The following ZNF385D variants were observed in gnomAD, a reference collection of about 807,000 sequenced individuals.
The protein encoded by ZNF385D is zinc finger protein 385D, also known as zinc finger protein 659.
In ZNF385D, 15 loss-of-function variants were observed where a neutral mutation model predicts 35.8. That is an observed-to-expected ratio of 0.42 (90% CI 0.28 to 0.64). The LOEUF is 0.64. Among genes scored for constraint, ZNF385D ranks in the 30% least tolerant of loss-of-function variants. ZNF385D has a pLI of 0.23. For synonymous variants in ZNF385D, 212 were observed against 186.8 expected (o/e 1.13, Z -1.10); for missense variants, 474 against 494.6 (o/e 0.96, Z 0.39).
intron 2 of ZNF385D, among the ~76,000 whole-genome samples, chr3:21,589,526 T>C (rs1434925728): frequency 1.3e-5 from 2 of 152,136 alleles, no homozygotes; most frequent in African/African-American, 4.8e-5. Context: ...AAATATTTTT[T>C]ACATAAGACA....
chr3:21,948,816 T>C (rs1701919654), intron 3 of ZNF385D, among the ~76,000 whole-genome samples: 1 of 152,092 alleles, frequency 6.6e-6, no homozygotes, highest in South Asian at 2.1e-4. Flanking sequence ...AATTGAAAAA[T>C]AATTTTTGCT....
At chr3:22,279,771 T>C (rs1294497731) in intron 2 of ZNF385D, among the ~76,000 whole-genome samples, 3 of 151,850 alleles carry the variant, frequency 2.0e-5, no homozygotes, top group African/African-American at 4.8e-5. Flanking sequence ...CTAATTTGTA[T>C]AATGACTTCT....
intron 3 of ZNF385D, among the ~76,000 whole-genome samples, chr3:21,809,906 C>T (rs931947460): frequency 2.0e-5 from 3 of 151,944 alleles, no homozygotes; most frequent in Admixed American, 1.3e-4. Flanking sequence ...ATAAAAATAA[C>T]CTGAAAACAA....
chr3:22,189,217 G>C (rs1014120360), intron 2 of ZNF385D, among the ~76,000 whole-genome samples: 4 of 152,122 alleles, frequency 2.6e-5, no homozygotes, highest in African/African-American at 9.7e-5. Flanking sequence ...GGGATTCTGA[G>C]AGAGGATCCA....
intron 3 of ZNF385D, among the ~76,000 whole-genome samples, chr3:21,983,166 T>TG (rs1694598986): frequency 1.6e-5 from 1 of 63,878 alleles, no homozygotes; most frequent in African/African-American, 1.6e-4. Context: ...TTTATTTTAT[T>TG]ATTTTTTTTT....
intron 2 of ZNF385D, among the ~76,000 whole-genome samples, chr3:22,288,298 T>C (rs1360884328): frequency 6.6e-6 from 1 of 152,082 alleles, no homozygotes; most frequent in Non-Finnish European, 1.5e-5. Context: ...TTCTCAGTCT[T>C]GGCAAGTATT....
At chr3:21,867,020 G>A (rs1196043333) in intron 3 of ZNF385D, among the ~76,000 whole-genome samples, 1 of 152,066 alleles carries the variant, frequency 6.6e-6, no homozygotes, top group Non-Finnish European at 1.5e-5. Context: ...CACTTATAAA[G>A]AAAACTACCT....
intron 3 of ZNF385D, among the ~76,000 whole-genome samples, chr3:21,778,751 G>A (rs766327126): frequency 6.6e-6 from 1 of 151,876 alleles, no homozygotes; most frequent in African/African-American, 2.4e-5. Flanking sequence ...AAATGATCTC[G>A]TTATGAGTCA....
intron 3 of ZNF385D, among the ~76,000 whole-genome samples, chr3:21,521,619 T>C (rs997784410): frequency 6.6e-6 from 1 of 152,052 alleles, no homozygotes; most frequent in South Asian, 2.1e-4. Flanking sequence ...CCAGGTGTGG[T>C]GGCATGTGCC....
intron 3 of ZNF385D, among the ~76,000 whole-genome samples, chr3:22,030,301 ATCC>A (rs1697912064): frequency 7.2e-5 from 8 of 110,454 alleles, no homozygotes; most frequent in East Asian, 2.3e-4. Flanking sequence ...ATATATATAT[ATCC>A]TATTTGGTCC....
At chr3:22,041,238 T>C (rs1020814785) in intron 3 of ZNF385D, among the ~76,000 whole-genome samples, 7 of 152,100 alleles carry the variant, frequency 4.6e-5, no homozygotes, top group African/African-American at 1.2e-4. Context: ...AAATGACACA[T>C]GGTTGCATAT....
chr3:21,432,577 G>A (rs1185770313), intron 5 of ZNF385D, among the ~76,000 whole-genome samples: 2 of 151,408 alleles, frequency 1.3e-5, no homozygotes, highest in Admixed American at 1.3e-4. Context: ...CTACCTACTA[G>A]GATATTTGGG....
intron 2 of ZNF385D, among the ~76,000 whole-genome samples, chr3:22,318,825 C>G (rs1365372562): frequency 1.3e-5 from 2 of 152,076 alleles, no homozygotes; most frequent in Non-Finnish European, 2.9e-5. Context: ...CAATGATTAG[C>G]AGACTGGAAG....
At chr3:21,596,290 T>TAACA (rs1164591263) in intron 2 of ZNF385D, among the ~76,000 whole-genome samples, 1 of 152,046 alleles carries the variant, frequency 6.6e-6, no homozygotes, top group Non-Finnish European at 1.5e-5. Flanking sequence ...ATAAATAAAA[T>TAACA]AACAAAGCCA....
intron 1 of ZNF385D, among the ~76,000 whole-genome samples, chr3:21,698,982 T>C (rs1296541998): frequency 6.6e-6 from 1 of 152,154 alleles, no homozygotes. Flanking sequence ...GCAATCTCAT[T>C]ACTGGGTTTA....
chr3:21,532,075 A>AAG (rs71266440), intron 3 of ZNF385D, among the ~76,000 whole-genome samples: 29,865 of 150,832 alleles, frequency 0.2, 3,182 homozygotes, highest in African/African-American at 0.28. Flanking sequence ...GGGAGAGAGA[A>AAG]AGAGAGAGAG....
At chr3:21,678,603 C>G (rs546837784) in intron 1 of ZNF385D, among the ~76,000 whole-genome samples, 1 of 152,204 alleles carries the variant, frequency 6.6e-6, no homozygotes, top group South Asian at 2.1e-4. Context: ...AATTCATGGG[C>G]CTGTTTGACT....
intron 2 of ZNF385D, among the ~76,000 whole-genome samples, chr3:21,583,793 T>A (rs1431127626): frequency 1.3e-5 from 2 of 150,852 alleles, no homozygotes; most frequent in East Asian, 3.9e-4. Flanking sequence ...TATTCTATTA[T>A]GTTATAACTA....
chr3:22,284,491 C>T (rs1205150201), intron 2 of ZNF385D, among the ~76,000 whole-genome samples: 1 of 151,844 alleles, frequency 6.6e-6, no homozygotes, highest in Non-Finnish European at 1.5e-5. Flanking sequence ...CACCTGTCCC[C>T]AACACAGGAT....
Sources: gnomAD v4.1 joint callset for allele counts (sites outside exome capture counted in the v4.1 genomes callset) on GRCh38, gnomAD v4.1.1 for gene constraint, MANE v1.5 for transcripts, NCBI Gene and HGNC (gene_info 2026-07-23, HGNC 2026-07-21) for gene names.